The following AK3 variants were observed in gnomAD, a reference collection of about 807,000 sequenced individuals.
AK3 encodes GTP:AMP phosphotransferase AK3, mitochondrial.
Under a neutral mutation model 23.7 loss-of-function variants are expected in AK3, and 27 were observed. The ratio of observed to expected loss-of-function variants is 1.14; its 90% CI spans 0.84 to 1.57. AK3 has a LOEUF of 1.57. Ranked by LOEUF, AK3 falls within the 40% of genes most tolerant of loss-of-function variation. The probability of loss-of-function intolerance (pLI) is 0.00; values close to 1 mark genes in which losing one functional copy is unlikely to be tolerated. For synonymous variants in AK3, 159 were observed against 116.0 expected (o/e 1.37, Z -2.38); for missense variants, 406 against 285.6 (o/e 1.42, Z -3.04).
chr9:4,717,354 C>T (rs957394119), intron 4 of AK3, among the ~76,000 whole-genome samples: 9 of 152,192 alleles, frequency 5.9e-5, no homozygotes, highest in Non-Finnish European at 5.9e-5. Flanking sequence ...TCATTCAGTA[C>T]GGTTCCTATA....
chr9:4,714,143 T>A (rs372938783), intron 4 of AK3, among the ~76,000 whole-genome samples: 28 of 15,960 alleles, frequency 1.8e-3, no homozygotes, highest in African/African-American at 5.6e-3. Flanking sequence ...CCTACACATA[T>A]ACACACCTCC....
rs1437456024 is a variant in AK3 at position 4,710,357 on chromosome 9, G to A, written c.*2619C>T. The A allele has an allele frequency of 2.7e-5, 4 of 145,746 alleles. 1 individual carries two copies. The highest frequency in any genetic ancestry group is 5.1e-5 in the African/African-American group (2 of 38,894). The allele number at this position is 145,746 out of a possible 1,614,324, so 9.0% of individuals were successfully genotyped here. ...CGAGTAGCTGGGACTACAGGCGCCC[G>A]CCACCATGCCCGGCTAATTTTTTTT... is the stretch of plus-strand genomic sequence containing the variant. On this transcript the variant is annotated 3_prime_UTR_variant, in exon 5 of 5. Transcript: ENST00000381809.
rs992438100 is a variant in AK3, at chr9:4,741,101, G to C, written c.-14C>G. 5.3e-6 allele frequency: 8 copies of C among 1,506,256 alleles called. No homozygotes were observed. Among genetic ancestry groups the C allele is most frequent in the Non-Finnish European group, 5.3e-6 (6 of 1,127,632 alleles). 93.3% of individuals were successfully genotyped at this position (1,506,256 alleles called of 1,614,324 possible). On this transcript the variant is annotated 5_prime_UTR_variant, in exon 1 of 5. Transcript: ENST00000381809. Reference sequence around the variant, plus strand: ...GGACGCCCCCATGGCCGCAGACTGAGGCCCGCACCGCGCGGGTACCAGGGC... The same window carrying C: ...GGACGCCCCCATGGCCGCAGACTGACGCCCGCACCGCGCGGGTACCAGGGC...
intron 1 of AK3, among the ~76,000 whole-genome samples, chr9:4,730,901 G>A (rs1425640896): frequency 6.6e-6 from 1 of 151,906 alleles, no homozygotes; most frequent in Non-Finnish European, 1.5e-5. Context: ...GTACTGAATG[G>A]AAGTTACATG....
At chr9:4,737,451 C>G (rs1260585593) in intron 1 of AK3, among the ~76,000 whole-genome samples, 2 of 152,154 alleles carry the variant, frequency 1.3e-5, no homozygotes, top group East Asian at 1.9e-4. Flanking sequence ...ACTCAGTCTC[C>G]TCATCTCTAA....
At chr9:4,720,720 G>A (rs1841874398) in intron 2 of AK3, among the ~76,000 whole-genome samples, 1 of 147,820 alleles carries the variant, frequency 6.8e-6, no homozygotes. Context: ...GGTTAAAACC[G>A]CACATGCATA....
chr9:4,727,353 T>C (rs925343208), intron 1 of AK3, among the ~76,000 whole-genome samples: 1 of 152,232 alleles, frequency 6.6e-6, no homozygotes, highest in African/African-American at 2.4e-5. Context: ...AATCTGTTAG[T>C]GTAGACACCT....
intron 1 of AK3, among the ~76,000 whole-genome samples, chr9:4,736,501 C>G (rs1232739060): frequency 6.6e-6 from 1 of 151,088 alleles, no homozygotes; most frequent in Non-Finnish European, 1.5e-5. Flanking sequence ...CTCCGCTTTG[C>G]CATCAGTATC....
chr9:4,724,873 G>A (rs1841986359), intron 1 of AK3, among the ~76,000 whole-genome samples: 1 of 151,836 alleles, frequency 6.6e-6, no homozygotes, highest in South Asian at 2.1e-4. Context: ...CAAAATAAAT[G>A]AATGAAGAAA....
rs1271994823 is a variant in AK3, at chr9:4,718,518, C to G, written c.464G>C (p.Gly155Ala). Residue 155 changes from glycine to alanine, a missense_variant, in exon 4 of 5, where the codon GGG becomes GCG. Transcript: ENST00000381809. The part of the protein sequence containing the change: ...PKTVGIDDLT[G>A]EPLIQREDDK... ...ATCCTCACGCTGAATGAGAGGCTCC[C>G]CAGTCAGGTCATCAATGCCCTAAAC... is the stretch of plus-strand genomic sequence containing the variant. 6.2e-7 allele frequency: 1 copy of G among 1,613,500 alleles called. No individual in the cohort carries two copies. The highest frequency in any genetic ancestry group is 1.3e-5 in the African/African-American group (1 of 74,996).
intron 1 of AK3, among the ~76,000 whole-genome samples, chr9:4,734,225 G>A (rs147319830): frequency 6.6e-6 from 1 of 152,316 alleles, no homozygotes; most frequent in Non-Finnish European, 1.5e-5. Context: ...AAAGTGAGAA[G>A]GCAACTAGAC....
At chr9:4,714,198 C>CCA (rs748580995) in intron 4 of AK3, among the ~76,000 whole-genome samples, 21,062 of 32,664 alleles carry the variant, frequency 0.64, 5,454 homozygotes, top group African/African-American at 0.7. Flanking sequence ...ACACACACCT[C>CCA]CACATATACA....
upstream of AK3, chr9:4,741,248 C>T (rs1052062167): frequency 9.2e-6 from 7 of 760,394 alleles, no homozygotes; most frequent in Non-Finnish European, 1.1e-5. Context: ...CCCCTGGGGC[C>T]GCCCAGACAG....
rs540349658 is a variant in AK3 at position 4,741,173 on chromosome 9, G to A, written c.-86C>T. The A allele has an allele frequency of 8.5e-6, 11 of 1,297,486 alleles. No homozygotes were observed. The East Asian group carries it at 1.6e-4, about 19-fold the overall frequency. The allele number at this position is 1,297,486 out of a possible 1,614,324, so 80.4% of individuals were successfully genotyped here. A position where few individuals can be genotyped will look rare whatever the true frequency, so the allele number is the denominator to read the frequency against. On this transcript the variant is annotated 5_prime_UTR_variant, in exon 1 of 5. Coordinates refer to ENST00000381809, the MANE Select transcript of AK3 (RefSeq NM_016282.4). ...ACCCGCTCGGCAGCCTGCGCCGGCC[G>A]GCTAGCAGCGCCACTAGCAGGCGGC... is the stretch of plus-strand genomic sequence containing the variant.
intron 2 of AK3, among the ~76,000 whole-genome samples, chr9:4,721,461 ACTT>A (rs1841893383): frequency 6.7e-6 from 1 of 150,156 alleles, no homozygotes; most frequent in South Asian, 2.1e-4. Flanking sequence ...GTTCACATCA[ACTT>A]CTTTTTTTTT....
At chr9:4,724,525 T>G (rs914505950) in intron 1 of AK3, among the ~76,000 whole-genome samples, 1 of 152,086 alleles carries the variant, frequency 6.6e-6, no homozygotes. Context: ...GAAAAAGAAA[T>G]AGAAAGCATC....
chr9:4,722,978 G>A (rs1325645423), intron 1 of AK3, among the ~76,000 whole-genome samples: 1 of 152,132 alleles, frequency 6.6e-6, no homozygotes, highest in Non-Finnish European at 1.5e-5. Flanking sequence ...GTGGGAGACG[G>A]GGGAATCGCT....
chr9:4,729,080 G>A lies in AK3; in HGVS notation c.152-6455C>T, dbSNP rs1300715963. Among the ~76,000 whole-genome samples, 6 of 142,722 alleles carry A rather than the reference G, an allele frequency of 4.2e-5. No homozygotes were observed. The South Asian group carries it at 1.3e-3, about 32-fold the overall frequency. 93.6% of individuals were successfully genotyped at this position (142,722 alleles called of 152,430 possible). A position where few individuals can be genotyped will look rare whatever the true frequency, so the allele number is the denominator to read the frequency against. On this transcript the variant is annotated intron_variant, in intron 1 of 4. Coordinates refer to ENST00000381809, the MANE Select transcript of AK3 (RefSeq NM_016282.4). Reference sequence around the variant, plus strand: ...GGCTGGAGTGCAATGGCGCAATCTTGGCTCACTGCAACCTCTGCCTCCCGG... The same window carrying A: ...GGCTGGAGTGCAATGGCGCAATCTTAGCTCACTGCAACCTCTGCCTCCCGG...
At chr9:4,722,374 T>C in intron 2 of AK3, 132 bp downstream of exon 2, 1 of 1,292,192 alleles carries the variant, frequency 7.7e-7, no homozygotes, top group Non-Finnish European at 1.1e-6. Context: ...GATGACTGGT[T>C]TCAGGATAGT....
Sources: allele counts gnomAD v4.1 joint callset (sites outside exome capture counted in the v4.1 genomes callset), GRCh38; gene constraint gnomAD v4.1.1; transcripts MANE v1.5; gene names NCBI Gene and HGNC (gene_info 2026-07-23, HGNC 2026-07-21).